The following SYT10 variants were observed in gnomAD, a reference collection of about 807,000 sequenced individuals.
SYT10 encodes synaptotagmin-10.
Under a neutral mutation model 51.1 loss-of-function variants are expected in SYT10, and 31 were observed. That is an observed-to-expected ratio of 0.61 (90% CI 0.46 to 0.82). SYT10 has a LOEUF of 0.82. Ranked by LOEUF, SYT10 falls within the 40% of genes least tolerant of loss-of-function variation. The pLI, the probability that SYT10 is intolerant of heterozygous loss-of-function variation, is 0.00. For missense variants in SYT10, 603 were observed against 634.0 expected, an observed-to-expected ratio of 0.95 and a Z score of 0.53; for synonymous variants, 233 against 225.9, an observed-to-expected ratio of 1.03 and a Z score of -0.28.
chr12:33,399,612 T>C (rs1189766390), intron 3 of SYT10, among the ~76,000 whole-genome samples: 1 of 152,156 alleles, frequency 6.6e-6, no homozygotes, highest in Non-Finnish European at 1.5e-5. Flanking sequence ...ATTATGATGA[T>C]TTATTTAATA....
chr12:33,388,139 A>G (rs1866174551), intron 3 of SYT10, among the ~76,000 whole-genome samples: 1 of 152,146 alleles, frequency 6.6e-6, no homozygotes, highest in South Asian at 2.1e-4. Context: ...AGAAGCAAAT[A>G]TTCTAAAAAG....
Position 33,374,977 on chromosome 12 carries a change from A to G in SYT10, c.*1853T>C, listed in dbSNP as rs1266523560. 6.6e-6 allele frequency: 1 copy of G among 152,058 alleles called. No individual in the cohort carries two copies. The allele number at this position is 152,058 out of a possible 1,614,324, so 9.4% of individuals were successfully genotyped here. On this transcript the variant is annotated 3_prime_UTR_variant, in exon 7 of 7. Transcript: ENST00000228567. Reference sequence around the variant, plus strand: ...CCAAAAATGTCATTCTATTAATAGTATAACTTTTTGTCTTCCTATTTGAAA... The same window carrying G: ...CCAAAAATGTCATTCTATTAATAGTGTAACTTTTTGTCTTCCTATTTGAAA...
At chr12:33,409,371 C>T (rs1360122918) in intron 2 of SYT10, among the ~76,000 whole-genome samples, 1 of 151,928 alleles carries the variant, frequency 6.6e-6, no homozygotes, top group East Asian at 1.9e-4. Flanking sequence ...CTCCCACCAC[C>T]GCACCTGGCT....
chr12:33,413,961 T>C (rs868310158), intron 2 of SYT10, among the ~76,000 whole-genome samples: 33 of 151,974 alleles, frequency 2.2e-4, no homozygotes, highest in African/African-American at 7.0e-4. Context: ...GAGACACACA[T>C]AGGCTCAAAG....
At chr12:33,404,821 C>T (rs1394222340) in intron 3 of SYT10, 4 of 152,060 alleles carry the variant, frequency 2.6e-5, no homozygotes, top group Non-Finnish European at 5.9e-5. Context: ...TTTGTGTAAG[C>T]TAAATTTGTG....
intron 3 of SYT10, 148 bp from the exon 4 acceptor site, chr12:33,385,439 A>G (rs1260827696): frequency 3.4e-6 from 4 of 1,185,052 alleles, no homozygotes; most frequent in Non-Finnish European, 4.6e-6. Flanking sequence ...TTCTGAATGC[A>G]GTAAGCAAAA....
rs375275079 is a variant in SYT10, at chr12:33,377,629, C to CTTTT, written c.1501-732_1501-729dup. ...GGAACCTGATTTTCTTTTTCTTTTTCTTTTTTTTTTTTTTTGAGATGGAGT... is the reference window on the plus strand; with the variant it reads ...GGAACCTGATTTTCTTTTTCTTTTTCTTTTTTTTTTTTTTTTTTTGAGATGGAGT... On this transcript the variant is annotated intron_variant, in intron 6 of 6. Coordinates refer to ENST00000228567, the MANE Select transcript of SYT10 (RefSeq NM_198992.4). Among the ~76,000 whole-genome samples the CTTTT allele has an allele frequency of 1.1e-4, 12 of 113,994 alleles. No homozygotes were observed. The East Asian group carries it at 1.6e-3, about 15-fold the overall frequency. 74.8% of individuals were successfully genotyped at this position (113,994 alleles called of 152,430 possible). A position where few individuals can be genotyped will look rare whatever the true frequency, so the allele number is the denominator to read the frequency against.
chr12:33,436,685 A>C (rs1423475532), intron 1 of SYT10, among the ~76,000 whole-genome samples: 1 of 152,306 alleles, frequency 6.6e-6, no homozygotes, highest in South Asian at 2.1e-4. Flanking sequence ...ACATATATAC[A>C]TGATTTGTAG....
Position 33,426,289 on chromosome 12 carries a change from CA to C in SYT10, c.357del (p.Asn119LysfsTer6). On this transcript the variant is annotated frameshift_variant, in exon 2 of 7. Coordinates refer to ENST00000228567, the MANE Select transcript of SYT10 (RefSeq NM_198992.4). LOFTEE classifies it high-confidence loss of function. ...TCAATAGCTTTTACGGCTGGCTTTT[CA>C]TTTTCCTTAATTTCTTTTTTCTCTT... ...ETEEKKEIKE[N>X]EKPAVKAIEP... 6.2e-7 allele frequency: 1 copy of C among 1,613,722 alleles called. No homozygotes were observed. Among genetic ancestry groups the C allele is most frequent in the South Asian group, 1.1e-5 (1 of 91,078 alleles).
chr12:33,401,790 A>T (rs1167801270), intron 3 of SYT10, among the ~76,000 whole-genome samples: 1 of 152,152 alleles, frequency 6.6e-6, no homozygotes, highest in African/African-American at 2.4e-5. Context: ...GTATTTATAC[A>T]TCTCTACACT....
In SYT10 at chr12:33,405,040, C is replaced by T. The variant is rs530436046; in HGVS notation, c.1077+1749G>A. 2.6e-5 allele frequency: 4 copies of T among 152,048 alleles called. No individual in the cohort carries two copies. The East Asian group carries it at 7.7e-4, about 29-fold the overall frequency. 9.4% of individuals were successfully genotyped at this position (152,048 alleles called of 1,614,324 possible). A position where few individuals can be genotyped will look rare whatever the true frequency, so the allele number is the denominator to read the frequency against. ...GTTTAAAAAAAAAAATCACAATCTC[C>T]TAGTCGATTATACTAATTTTTTAGA... On this transcript the variant is annotated intron_variant, in intron 3 of 6. Transcript: ENST00000228567.
chr12:33,403,509 A>G (rs528477564), intron 3 of SYT10, among the ~76,000 whole-genome samples: 25 of 152,298 alleles, frequency 1.6e-4, no homozygotes, highest in African/African-American at 5.5e-4. Context: ...TGCTGGGATT[A>G]CAGGCATGAG....
intron 5 of SYT10, among the ~76,000 whole-genome samples, chr12:33,381,380 G>A (rs1158571009): frequency 1.3e-5 from 2 of 152,080 alleles, no homozygotes; most frequent in Non-Finnish European, 1.5e-5. Context: ...GACACTTAGC[G>A]TGTGTTTGTG....
At chr12:33,415,616 A>C (rs189237710) in intron 2 of SYT10, among the ~76,000 whole-genome samples, 16 of 152,356 alleles carry the variant, frequency 1.1e-4, no homozygotes, top group Admixed American at 5.9e-4. Flanking sequence ...AAAGAAATTT[A>C]TCTCTATTTT....
rs548868598 is a variant in SYT10 at position 33,437,697 on chromosome 12, T to C, written c.151+1675A>G. On this transcript the variant is annotated intron_variant, in intron 1 of 6. Transcript: ENST00000228567. ...CTCTCATTTCGTCCAGTGTAGCCCC[T>C]TCTCTGAGTGTTACCTTTAGCAAGT... is the stretch of plus-strand genomic sequence containing the variant. 1.1e-4 allele frequency among the ~76,000 whole-genome samples: 17 copies of C among 152,250 alleles called. No homozygotes were observed. The East Asian group carries it at 2.5e-3, about 23-fold the overall frequency.
rs768672711 is a variant in SYT10 at position 33,439,361 on chromosome 12, C to T, written c.151+11G>A. On this transcript the variant is annotated intron_variant, in intron 1 of 6. Transcript: ENST00000228567. ...GGAGCGCGAGGACGCGAGCGGAGCC[C>T]TCCCGGTTACCTGTGCTGCTTCCGC... 2.5e-6 allele frequency: 4 copies of T among 1,609,704 alleles called. No individual in the cohort carries two copies. In the South Asian group the frequency reaches 3.3e-5, roughly 13 times the overall value.
At chr12:33,387,244 G>GA (rs1316692262) in intron 3 of SYT10, among the ~76,000 whole-genome samples, 1 of 152,128 alleles carries the variant, frequency 6.6e-6, no homozygotes, top group Non-Finnish European at 1.5e-5. Context: ...GTAATTCAGA[G>GA]AAAAAACTAA....
intron 4 of SYT10, among the ~76,000 whole-genome samples, chr12:33,384,053 C>T (rs1165421103): frequency 1.3e-5 from 2 of 151,992 alleles, no homozygotes; most frequent in South Asian, 2.1e-4. Context: ...CACTATGTAT[C>T]GCAAATTTTA....
chr12:33,437,364 G>A (rs1866646567), intron 1 of SYT10, among the ~76,000 whole-genome samples: 1 of 152,148 alleles, frequency 6.6e-6, no homozygotes. Flanking sequence ...TTATTCCCAA[G>A]GGGAAAAGTT....
Sources: gnomAD v4.1 joint callset for allele counts (sites outside exome capture counted in the v4.1 genomes callset) on GRCh38, gnomAD v4.1.1 for gene constraint, MANE v1.5 for transcripts, NCBI Gene and HGNC (gene_info 2026-07-23, HGNC 2026-07-21) for gene names.